Variants in SRP54 observed in about 807,000 individuals in gnomAD.
SRP54 encodes signal recognition particle subunit SRP54.
Under a neutral mutation model 64.8 loss-of-function variants are expected in SRP54, and 10 were observed. The ratio of observed to expected loss-of-function variants is 0.15; its 90% CI spans 0.10 to 0.26. The LOEUF (loss-of-function observed/expected upper bound fraction) is 0.26. Among genes scored for constraint, SRP54 ranks in the 10% least tolerant of loss-of-function variants. The pLI, the probability that SRP54 is intolerant of heterozygous loss-of-function variation, is 1.00. For missense variants in SRP54, 325 were observed against 613.7 expected, an observed-to-expected ratio of 0.53 and a Z score of 4.97; for synonymous variants, 193 against 185.6, an observed-to-expected ratio of 1.04 and a Z score of -0.32.
rs373460452 is a variant in SRP54, at chr14:35,020,271, T to TGG, written c.1156+1198_1156+1199dup. ...CAGTGCATTATAATCTTTTTGCTGG[T>TGG]GGAGGGCCTTAGCTTGATGTTGATG... On this transcript the variant is annotated intron_variant, in intron 13 of 15. Coordinates refer to ENST00000216774, the MANE Select transcript of SRP54 (RefSeq NM_003136.4). Among the ~76,000 whole-genome samples the TGG allele has an allele frequency of 4.6e-5, 7 of 152,330 alleles. No individual in the cohort carries two copies. The East Asian group carries it at 1.3e-3, about 29-fold the overall frequency.
intron 1 of SRP54, among the ~76,000 whole-genome samples, chr14:34,996,120 A>G (rs1303032147): frequency 1.3e-5 from 2 of 152,138 alleles, no homozygotes; most frequent in African/African-American, 2.4e-5. Flanking sequence ...GGTTAGAAGA[A>G]TAAAATGAAA....
intron 14 of SRP54, among the ~76,000 whole-genome samples, chr14:35,025,649 A>G (rs28560270): frequency 0.016 from 2,455 of 152,330 alleles, 57 homozygotes; most frequent in African/African-American, 0.054. Context: ...AGAAGTTTTA[A>G]ATGCTGATAA....
chr14:35,013,027 T>G (rs566744596), intron 8 of SRP54, among the ~76,000 whole-genome samples: 4 of 142,806 alleles, frequency 2.8e-5, no homozygotes, highest in Non-Finnish European at 6.0e-5. Flanking sequence ...GACTGCAACC[T>G]CTGCCTCCCG....
At chr14:34,995,134 G>GGTGT (rs35829734) in intron 1 of SRP54, among the ~76,000 whole-genome samples, 4,136 of 69,902 alleles carry the variant, frequency 0.059, 111 homozygotes, top group East Asian at 0.12. Context: ...ATCAATAAAG[G>GGTGT]GTGTGTGTGT....
intron 1 of SRP54, among the ~76,000 whole-genome samples, chr14:34,987,246 A>ATAT (rs759707249): frequency 0.06 from 6,460 of 108,482 alleles, 267 homozygotes; most frequent in South Asian, 0.1. Flanking sequence ...AAAAAAAAAA[A>ATAT]ATATATATAT....
At chr14:34,992,882 A>G (rs1286008430) in intron 1 of SRP54, among the ~76,000 whole-genome samples, 1 of 143,338 alleles carries the variant, frequency 7.0e-6, no homozygotes, top group African/African-American at 2.5e-5. Context: ...TTATTTATTT[A>G]TTTGGAGATG....
chr14:35,012,274 T>C (rs1015351971), intron 8 of SRP54, among the ~76,000 whole-genome samples: 1 of 152,170 alleles, frequency 6.6e-6, no homozygotes, highest in Non-Finnish European at 1.5e-5. Context: ...GAATTTCCTT[T>C]TTAAAAATTC....
chr14:35,000,747 A>T (rs556430735), intron 3 of SRP54, among the ~76,000 whole-genome samples, 189 bp from the exon 4 acceptor site: 1 of 152,340 alleles, frequency 6.6e-6, no homozygotes, highest in East Asian at 1.9e-4. Context: ...TCTTGCATCT[A>T]ATACTTCATG....
At chr14:35,015,545 T>G (rs1384557626) in intron 11 of SRP54, among the ~76,000 whole-genome samples, 1 of 152,260 alleles carries the variant, frequency 6.6e-6, no homozygotes, top group African/African-American at 2.4e-5. Flanking sequence ...ATCTCTGATC[T>G]ATTTTTTAGC....
intron 1 of SRP54, chr14:34,993,200 A>T (rs1195347093): frequency 2.0e-5 from 3 of 152,208 alleles, no homozygotes; most frequent in Admixed American, 6.5e-5. Context: ...TGTTTATGAC[A>T]TGACCTCTAA....
At chr14:35,006,656 A>G (rs1035910709) in intron 4 of SRP54, among the ~76,000 whole-genome samples, 11 of 152,148 alleles carry the variant, frequency 7.2e-5, no homozygotes, top group African/African-American at 2.7e-4. Flanking sequence ...ACATTTTTGT[A>G]TTACATTTCT....
Position 35,007,220 on chromosome 14 carries a change from AG to A in SRP54, c.256-59del, listed in dbSNP as rs1358926582. ...AAAAAGGAAAAAAAAGTTGTGGGGAAGGGGTTTTGAATTTATATGTATGTTA... is the reference window on the plus strand; with the variant it reads ...AAAAAGGAAAAAAAAGTTGTGGGGAAGGGTTTTGAATTTATATGTATGTTA... On this transcript the variant is annotated intron_variant, in intron 4 of 15. Coordinates refer to ENST00000216774, the MANE Select transcript of SRP54 (RefSeq NM_003136.4). The A allele has an allele frequency of 9.0e-6, 10 of 1,114,908 alleles. No homozygotes were observed. In the Admixed American group the frequency reaches 1.9e-4, roughly 21 times the overall value. The allele number at this position is 1,114,908 out of a possible 1,614,324, so 69.1% of individuals were successfully genotyped here.
chr14:35,019,256 G>A (rs926996395), intron 13 of SRP54, 182 bp downstream of exon 13: 7 of 507,428 alleles, frequency 1.4e-5, no homozygotes, highest in Non-Finnish European at 2.1e-5. Context: ...TGCCTTCATC[G>A]TTGAGAGAAA....
Position 35,011,676 on chromosome 14 carries a change from G to A in SRP54, c.636+17G>A. 1.3e-6 allele frequency: 2 copies of A among 1,502,162 alleles called. No individual in the cohort carries two copies. The highest frequency in any genetic ancestry group is 1.8e-6 in the Non-Finnish European group (2 of 1,115,256). The allele number at this position is 1,502,162 out of a possible 1,614,324, so 93.1% of individuals were successfully genotyped here. ...AATGCTATAGTAAGTAGCTTTCAATGTAACACTATTATTAGGACTTTGGTT... is the reference window on the plus strand; with the variant it reads ...AATGCTATAGTAAGTAGCTTTCAATATAACACTATTATTAGGACTTTGGTT... On this transcript the variant is annotated intron_variant, in intron 8 of 15. Transcript: ENST00000216774.
chr14:34,995,792 A>G (rs914368671), intron 1 of SRP54, among the ~76,000 whole-genome samples: 2 of 152,204 alleles, frequency 1.3e-5, no homozygotes, highest in Non-Finnish European at 2.9e-5. Flanking sequence ...TTAATAATAA[A>G]TGATAACTTA....
rs775672049 is a variant in SRP54 at position 35,023,040 on chromosome 14, G to A, written c.1287G>A (p.Gln429=). The change falls in exon 14 of 16, where the codon CAG becomes CAA. Residue 429 remains glutamine (Q), a synonymous_variant. Coordinates refer to ENST00000216774, the MANE Select transcript of SRP54 (RefSeq NM_003136.4). ...ELLTQYTKFA[Q]MVKKMGGIKG... ...TGACACAATATACCAAGTTTGCACAGATGGTAAAAAAGATGGGAGGTATCA... is the reference window on the plus strand; with the variant it reads ...TGACACAATATACCAAGTTTGCACAAATGGTAAAAAAGATGGGAGGTATCA... 6.2e-7 allele frequency: 1 copy of A among 1,613,250 alleles called. No individual in the cohort carries two copies. Among genetic ancestry groups the A allele is most frequent in the Non-Finnish European group, 8.5e-7 (1 of 1,179,630 alleles).
At chr14:35,012,108 C>T (rs58500485) in intron 8 of SRP54, among the ~76,000 whole-genome samples, 5,649 of 151,304 alleles carry the variant, frequency 0.037, 107 homozygotes, top group South Asian at 0.067. Flanking sequence ...TCCCAGCTAC[C>T]TGGGAGCTGA....
At chr14:34,991,113 T>TC (rs1303909046) in intron 1 of SRP54, among the ~76,000 whole-genome samples, 28 of 122,076 alleles carry the variant, frequency 2.3e-4, no homozygotes, top group African/African-American at 5.5e-4. Context: ...TCTTTTCTTT[T>TC]TTTTTTTTTT....
chr14:34,988,597 C>CATATATATATATAACATAT (rs1555352781), intron 1 of SRP54, among the ~76,000 whole-genome samples: 63 of 77,944 alleles, frequency 8.1e-4, no homozygotes, highest in Non-Finnish European at 1.5e-3. Context: ...ATATATATAA[C>CATATATATATATAACATAT]ATATATATAT....
Sources: gnomAD v4.1 joint callset for allele counts (sites outside exome capture counted in the v4.1 genomes callset) on GRCh38, gnomAD v4.1.1 for gene constraint, MANE v1.5 for transcripts, NCBI Gene and HGNC (gene_info 2026-07-23, HGNC 2026-07-21) for gene names.